Variants in TMTC1 observed in about 807,000 individuals in gnomAD.
The protein encoded by TMTC1 is protein O-mannosyl-transferase TMTC1.
TMTC1 carries 73 observed loss-of-function variants against 104.8 expected under a neutral mutation model. That is an observed-to-expected ratio of 0.70 (90% confidence interval 0.58 to 0.85). TMTC1 has a LOEUF of 0.85. Among genes scored for constraint, TMTC1 ranks in the 40% least tolerant of loss-of-function variants. The probability of loss-of-function intolerance (pLI) is 0.00; values close to 1 mark genes in which losing one functional copy is unlikely to be tolerated. For missense variants in TMTC1, 1,035 were observed against 1,096.1 expected (o/e 0.94, Z 0.79); for synonymous variants, 434 against 428.7 (o/e 1.01, Z -0.15).
intron 5 of TMTC1, among the ~76,000 whole-genome samples, chr12:29,742,809 T>C (rs1472495187): frequency 6.6e-6 from 1 of 152,208 alleles, no homozygotes; most frequent in Non-Finnish European, 1.5e-5. Flanking sequence ...CTGGCCATCA[T>C]TGCTACATGA....
intron 5 of TMTC1, among the ~76,000 whole-genome samples, chr12:29,691,084 A>G (rs1319370810): frequency 1.3e-5 from 2 of 152,226 alleles, no homozygotes; most frequent in Non-Finnish European, 2.9e-5. Context: ...CTGCCTTTGT[A>G]GGACTAACAG....
At chr12:29,554,202 CATG>C (rs1168317353) in intron 10 of TMTC1, among the ~76,000 whole-genome samples, 2 of 152,242 alleles carry the variant, frequency 1.3e-5, no homozygotes, top group South Asian at 2.1e-4. Flanking sequence ...GAAATAACAA[CATG>C]ATAATGATCT....
At chr12:29,544,491 G>T (rs1236520979) in intron 10 of TMTC1, among the ~76,000 whole-genome samples, 3 of 152,066 alleles carry the variant, frequency 2.0e-5, no homozygotes, top group Non-Finnish European at 4.4e-5. Context: ...GGAAATGTTA[G>T]TCCTGAGTTC....
At chr12:29,738,643 A>G (rs1942745209) in intron 5 of TMTC1, among the ~76,000 whole-genome samples, 1 of 152,218 alleles carries the variant, frequency 6.6e-6, no homozygotes, top group South Asian at 2.1e-4. Flanking sequence ...CACAACACAC[A>G]TAAGAAAAAA....
At chr12:29,701,891 T>C (rs1306673268) in intron 5 of TMTC1, among the ~76,000 whole-genome samples, 1 of 152,148 alleles carries the variant, frequency 6.6e-6, no homozygotes, top group Non-Finnish European at 1.5e-5. Flanking sequence ...TAAGGTAAGG[T>C]AGGTCCATGA....
chr12:29,633,439 A>T, intron 5 of TMTC1, 103 bp from the exon 6 acceptor site: 1 of 949,864 alleles, frequency 1.1e-6, no homozygotes, highest in Non-Finnish European at 1.5e-6. Context: ...TACCCAGTCA[A>T]TGTTATCTTG....
chr12:29,782,564 T>C (rs1428394910), intron 1 of TMTC1, among the ~76,000 whole-genome samples: 11 of 152,350 alleles, frequency 7.2e-5, no homozygotes, highest in Admixed American at 6.5e-4. Context: ...TTATAAAGGG[T>C]TGAGTCAAGC....
intron 1 of TMTC1, among the ~76,000 whole-genome samples, chr12:29,782,609 A>G (rs758466062): frequency 6.6e-6 from 1 of 152,198 alleles, no homozygotes; most frequent in East Asian, 1.9e-4. Flanking sequence ...CCCTTAAATG[A>G]GCACTTCTCT....
chr12:29,571,643 TATC>T (rs1282045565), intron 9 of TMTC1, among the ~76,000 whole-genome samples: 4 of 151,460 alleles, frequency 2.6e-5, no homozygotes, highest in Non-Finnish European at 5.9e-5. Flanking sequence ...TCAATTGTCT[TATC>T]ATTTTTTTTC....
At chr12:29,741,103 C>T (rs1942812904) in intron 5 of TMTC1, among the ~76,000 whole-genome samples, 1 of 152,196 alleles carries the variant, frequency 6.6e-6, no homozygotes, top group African/African-American at 2.4e-5. Flanking sequence ...AACTTTACTA[C>T]ATTATGATTA....
chr12:29,727,533 C>A (rs1158015280), intron 5 of TMTC1, among the ~76,000 whole-genome samples: 1 of 152,078 alleles, frequency 6.6e-6, no homozygotes, highest in South Asian at 2.1e-4. Flanking sequence ...CCCACCACCA[C>A]GCCTGGCTAA....
chr12:29,751,033 T>G (rs957971603), intron 5 of TMTC1, among the ~76,000 whole-genome samples: 8 of 152,228 alleles, frequency 5.3e-5, no homozygotes, highest in African/African-American at 1.4e-4. Flanking sequence ...ATAAACTCTT[T>G]AGCTTTTTAA....
chr12:29,531,011 G>A (rs937022349), intron 11 of TMTC1, among the ~76,000 whole-genome samples: 12 of 152,116 alleles, frequency 7.9e-5, no homozygotes, highest in Admixed American at 7.9e-4. Context: ...CCCTTAACAT[G>A]TTCACTGGTG....
chr12:29,697,997 T>C (rs1941474777), intron 5 of TMTC1, among the ~76,000 whole-genome samples: 1 of 152,012 alleles, frequency 6.6e-6, no homozygotes, highest in Admixed American at 6.5e-5. Flanking sequence ...CAAAATAGAG[T>C]ACTCTTGTAT....
At chr12:29,745,465 A>T (rs1047199678) in intron 5 of TMTC1, among the ~76,000 whole-genome samples, 1 of 152,054 alleles carries the variant, frequency 6.6e-6, no homozygotes, top group East Asian at 1.9e-4. Context: ...TCTACTAAAA[A>T]TACAAAAATT....
At chr12:29,539,187 G>A (rs1160189937) in intron 10 of TMTC1, among the ~76,000 whole-genome samples, 1 of 152,024 alleles carries the variant, frequency 6.6e-6, no homozygotes, top group East Asian at 1.9e-4. Flanking sequence ...AACCTTTCTT[G>A]GTTATATAGT....
In TMTC1 at chr12:29,642,880, G is replaced by A. The variant is rs921673946; in HGVS notation, c.939-9544C>T. ...GCGGAGCTTACAGTGAGCCGAGATC[G>A]CGCCACTGCACTCCAGCCTGGGTGA... On this transcript the variant is annotated intron_variant, in intron 5 of 17. Transcript: ENST00000539277. 5.3e-5 allele frequency among the ~76,000 whole-genome samples: 8 copies of A among 151,488 alleles called. No homozygotes were observed. In the South Asian group the frequency reaches 1.0e-3, roughly 20 times the overall value.
chr12:29,542,598 T>C (rs1371849090), intron 10 of TMTC1, among the ~76,000 whole-genome samples: 1 of 152,156 alleles, frequency 6.6e-6, no homozygotes, highest in African/African-American at 2.4e-5. Flanking sequence ...ATTCAGCAGG[T>C]CTTGGTGGGG....
chr12:29,535,883 T>C (rs1348526433), intron 11 of TMTC1: 1 of 265,020 alleles, frequency 3.8e-6, no homozygotes, highest in East Asian at 1.3e-4. Context: ...CTTAGACCAC[T>C]TGCAATTCCT....
Sources: allele counts gnomAD v4.1 joint callset (sites outside exome capture counted in the v4.1 genomes callset), GRCh38; gene constraint gnomAD v4.1.1; transcripts MANE v1.5; gene names NCBI Gene and HGNC (gene_info 2026-07-23, HGNC 2026-07-21).